Variants in NBR1 observed in about 807,000 individuals in gnomAD.
The protein encoded by NBR1 is NBR1 autophagy cargo receptor.
Under a neutral mutation model 115.5 loss-of-function variants are expected in NBR1, and 59 were observed. That is an observed-to-expected ratio of 0.51 (90% CI 0.41 to 0.63). The LOEUF is 0.63. Ranked by LOEUF, NBR1 falls within the 30% of genes least tolerant of loss-of-function variation. The probability of loss-of-function intolerance (pLI) is 0.00; values close to 1 mark genes in which losing one functional copy is unlikely to be tolerated. For missense variants in NBR1, 1,043 were observed against 1,150.5 expected (o/e 0.91, Z 1.35); for synonymous variants, 373 against 414.7 (o/e 0.90, Z 1.22).
chr17:43,188,373 T>C (rs1199416871), intron 6 of NBR1, among the ~76,000 whole-genome samples: 1 of 152,202 alleles, frequency 6.6e-6, no homozygotes, highest in Non-Finnish European at 1.5e-5. Context: ...CTTTGTCAGA[T>C]GGATGGATTG....
chr17:43,197,189 C>G, intron 16 of NBR1, 83 bp downstream of exon 16: 1 of 1,276,000 alleles, frequency 7.8e-7, no homozygotes, highest in Non-Finnish European at 1.1e-6. Context: ...ATGTGCTCTT[C>G]TTCACTGAGA....
At chr17:43,209,543 A>G (rs1435439144) in intron 20 of NBR1, 2 of 1,528,728 alleles carry the variant, frequency 1.3e-6, no homozygotes, top group Middle Eastern at 1.7e-4. Context: ...TCACAATTAC[A>G]CTTATGTTCA....
chr17:43,191,131 A>C (rs1432756728), intron 9 of NBR1, among the ~76,000 whole-genome samples: 2 of 152,104 alleles, frequency 1.3e-5, no homozygotes, highest in Non-Finnish European at 1.5e-5. Context: ...GTGCGTACCT[A>C]TAGTTTCAGC....
chr17:43,172,108 G>A (rs1315570689), intron 1 of NBR1, among the ~76,000 whole-genome samples: 1 of 152,198 alleles, frequency 6.6e-6, no homozygotes, highest in Non-Finnish European at 1.5e-5. Flanking sequence ...GCAAAGGTGA[G>A]TCAGTGGCAT....
At chr17:43,186,974 A>C (rs966109842) in intron 6 of NBR1, among the ~76,000 whole-genome samples, 3 of 152,202 alleles carry the variant, frequency 2.0e-5, no homozygotes, top group African/African-American at 7.2e-5. Flanking sequence ...GTGCTGCAAT[A>C]AACATACGTT....
Position 43,196,540 on chromosome 17 carries a change from T to G in NBR1, c.1810T>G (p.Leu604Val). 6.2e-7 allele frequency: 1 copy of G among 1,606,952 alleles called. No homozygotes were observed. The highest frequency in any genetic ancestry group is 8.5e-7 in the Non-Finnish European group (1 of 1,177,670). Residue 604 changes from leucine to valine, a missense_variant, in exon 15 of 21, where the codon TTG becomes GTG. Transcript: ENST00000590996. ...HDSPLIEKPG[L>V]GQIEEENEGA... is the part of the protein sequence containing the mutation. ...CAGTCCTTTAATAGAGAAGCCAGGC[T>G]TGGGGCAGATAGAGGAAGAGAATGA...
In NBR1 at chr17:43,175,835, A is replaced by G. The variant is rs1410702955; in HGVS notation, c.36A>G (p.Lys12=). The G allele has an allele frequency of 2.5e-6, 4 of 1,605,652 alleles. No homozygotes were observed. Among genetic ancestry groups the G allele is most frequent in the Non-Finnish European group, 3.4e-6 (4 of 1,174,798 alleles). The change falls in exon 2 of 21, where the codon AAA becomes AAG. Residue 12 remains lysine (K), a synonymous_variant. Coordinates refer to ENST00000590996, the MANE Select transcript of NBR1 (RefSeq NM_005899.5). ...AGGTTACTCTAAATGTGACTTTTAA[A>G]AATGAAATTCAAAGCTTTCTGGTTT... ...EPQVTLNVTF[K]NEIQSFLVSD...
At position 43,200,535 on chromosome 17, in the gene NBR1, C is replaced by T; in HGVS notation, c.2395C>T (p.Leu799Phe). 1 of 1,613,998 alleles carries T rather than the reference C, an allele frequency of 6.2e-7. No homozygotes were observed. The highest frequency in any genetic ancestry group is 2.2e-5 in the East Asian group (1 of 44,888). The change falls in exon 17 of 21, where the codon CTC (leucine) becomes TTC (phenylalanine). Residue 799 changes from leucine to phenylalanine, a missense_variant. Transcript: ENST00000590996. ...QPQEHSISDI[L>F]TTSQTLETVP... ...ACAGGAGCACAGCATAAGTGACATC[C>T]TCACGACCTCACAGACTCTGGAAAC...
chr17:43,174,751 A>G (rs2056463297), intron 1 of NBR1, among the ~76,000 whole-genome samples: 1 of 151,986 alleles, frequency 6.6e-6, no homozygotes, highest in African/African-American at 2.4e-5. Flanking sequence ...TGGTTTAACT[A>G]AGTGTTTATT....
chr17:43,189,012 T>C, intron 6 of NBR1, 30 bp from the exon 7 acceptor site: 1 of 1,492,104 alleles, frequency 6.7e-7, no homozygotes, highest in Non-Finnish European at 9.4e-7. Flanking sequence ...AAAAGTAACC[T>C]CTAACATCTC....
chr17:43,175,501 G>A (rs1395352060), intron 1 of NBR1, among the ~76,000 whole-genome samples: 2 of 152,170 alleles, frequency 1.3e-5, no homozygotes, highest in Non-Finnish European at 2.9e-5. Flanking sequence ...GTTTCCACAT[G>A]TTTCCAACAT....
rs549246833 is a variant in NBR1 at position 43,173,539 on chromosome 17, C to T, written c.-10+2237C>T. On this transcript the variant is annotated intron_variant, in intron 1 of 20. Coordinates refer to ENST00000590996, the MANE Select transcript of NBR1 (RefSeq NM_005899.5). ...GACTCAAACGATCTGCCTGCCTCTG[C>T]TTCCCAAAATGCTGGAATTACAGAC... Among the ~76,000 whole-genome samples, 21 of 152,316 alleles carry T rather than the reference C, an allele frequency of 1.4e-4. 1 individual carries two copies. The South Asian group carries it at 2.7e-3, about 20-fold the overall frequency.
In NBR1 at chr17:43,194,391, A is replaced by G; in HGVS notation, c.1566A>G (p.Glu522=). The part of the protein sequence containing the change: ...LLAKEERQLG[E]VTEQTEGTAA... ...CTAAAGAAGAAAGACAGCTTGGTGA[A>G]GTGACTGAGCAGACAGAAGGGACAG... The change falls in exon 13 of 21, where the codon GAA becomes GAG. Residue 522 remains glutamate, a synonymous_variant. Coordinates refer to ENST00000590996, the MANE Select transcript of NBR1 (RefSeq NM_005899.5). 2 of 1,613,932 alleles carry G rather than the reference A, an allele frequency of 1.2e-6. No individual in the cohort carries two copies. The highest frequency in any genetic ancestry group is 1.7e-6 in the Non-Finnish European group (2 of 1,179,854).
Position 43,197,116 on chromosome 17 carries a change from C to G in NBR1, c.2026+10C>G. 6.2e-7 allele frequency: 1 copy of G among 1,612,956 alleles called. No individual in the cohort carries two copies. The highest frequency in any genetic ancestry group is 2.2e-5 in the East Asian group (1 of 44,864). On this transcript the variant is annotated intron_variant, in intron 16 of 20. Transcript: ENST00000590996. ...CAGAAGTCCTTGCAGAGTGAGTGTC[C>G]TTGCATTTCCCCTACCTAGCAGGGT...
At chr17:43,187,639 G>T (rs1487456624) in intron 6 of NBR1, among the ~76,000 whole-genome samples, 2 of 149,690 alleles carry the variant, frequency 1.3e-5, no homozygotes, top group African/African-American at 4.9e-5. Flanking sequence ...CTCCCGAGTA[G>T]CTGGGATTAC....
intron 5 of NBR1, among the ~76,000 whole-genome samples, chr17:43,184,341 G>A (rs1225311498): frequency 2.1e-5 from 3 of 145,506 alleles, no homozygotes; most frequent in African/African-American, 7.5e-5. Context: ...TTACAGGCAT[G>A]ACCCACCTCT....
chr17:43,179,834 T>G (rs2056618090), intron 4 of NBR1, among the ~76,000 whole-genome samples: 1 of 152,232 alleles, frequency 6.6e-6, no homozygotes, highest in African/African-American at 2.4e-5. Context: ...AGTTGAAGAT[T>G]AGTTTCCCAC....
chr17:43,186,519 T>C (rs966427655), intron 6 of NBR1, 75 bp downstream of exon 6: 201 of 1,246,522 alleles, frequency 1.6e-4, no homozygotes, highest in Non-Finnish European at 1.7e-4. Context: ...CAGGTTTCTT[T>C]ATTTTATTTT....
chr17:43,185,961 A>AT (rs1204502659), intron 5 of NBR1, among the ~76,000 whole-genome samples: 1 of 152,036 alleles, frequency 6.6e-6, no homozygotes, highest in African/African-American at 2.4e-5. Context: ...AGACCGTGCC[A>AT]TTGCACTCCA....
Sources: allele counts gnomAD v4.1 joint callset (sites outside exome capture counted in the v4.1 genomes callset), GRCh38; gene constraint gnomAD v4.1.1; transcripts MANE v1.5; gene names NCBI Gene and HGNC (gene_info 2026-07-23, HGNC 2026-07-21).